ZHX2: variants seen among roughly 807,000 people sequenced by gnomAD.
ZHX2 encodes zinc fingers and homeoboxes 2, also known as zinc fingers and homeoboxes protein 2.
Under a neutral mutation model 21.9 loss-of-function variants are expected in ZHX2, and 6 were observed. The observed-to-expected ratio is 0.27, with a 90% CI of 0.15 to 0.54. ZHX2 has a LOEUF of 0.54. Ranked by LOEUF, ZHX2 falls within the 20% of genes least tolerant of loss-of-function variation. The probability of loss-of-function intolerance (pLI) is 0.95; values close to 1 mark genes in which losing one functional copy is unlikely to be tolerated. For synonymous variants in ZHX2, 434 were observed against 437.1 expected, an observed-to-expected ratio of 0.99 and a Z score of 0.09; for missense variants, 908 against 1,090.7, an observed-to-expected ratio of 0.83 and a Z score of 2.36.
Position 122,782,860 on chromosome 8 carries a change from G to A in ZHX2, c.-283+914G>A, listed in dbSNP as rs1817320309. On this transcript the variant is annotated intron_variant, in intron 1 of 3. Coordinates refer to ENST00000314393, the MANE Select transcript of ZHX2 (RefSeq NM_014943.5). The surrounding 1 kb of genome is among the most constrained non-coding windows in gnomAD (Gnocchi z 5.3). ...CTGGCGCTTTTCGTCTGCCCCACAA[G>A]AGGTTAATCTTTGTTGGTGTTGCAG... 6.6e-6 allele frequency among the ~76,000 whole-genome samples: 1 copy of A among 152,252 alleles called. No individual in the cohort carries two copies. The highest frequency in any genetic ancestry group is 2.4e-5 in the African/African-American group (1 of 41,472).
intron 3 of ZHX2, among the ~76,000 whole-genome samples, chr8:122,955,691 G>A (rs16897803): frequency 0.15 from 23,020 of 151,974 alleles, 4,503 homozygotes; most frequent in African/African-American, 0.46. Flanking sequence ...CCAAAGGGGA[G>A]GGCGTGAGTG....
chr8:122,952,579 G>C lies in ZHX2; in HGVS notation c.1069G>C (p.Val357Leu). The C allele has an allele frequency of 1.2e-6, 2 of 1,614,132 alleles. No homozygotes were observed. The highest frequency in any genetic ancestry group is 1.7e-6 in the Non-Finnish European group (2 of 1,180,032). ...GCCCGCCCAGTTGGCCCCCACAAAGGTGACGCAGCCCATCCTCCAGACGGC... is the reference window on the plus strand; with the variant it reads ...GCCCGCCCAGTTGGCCCCCACAAAGCTGACGCAGCCCATCCTCCAGACGGC... ...VLPAQLAPTK[V>L]TQPILQTALP... is the part of the protein sequence containing the mutation. The change falls in exon 3 of 4, where the codon GTG (valine) becomes CTG (leucine). Residue 357 changes from valine (V) to leucine (L), a missense_variant. Around this residue, in one of 4 missense-constraint regions of ZHX2, gnomAD observed 232 missense variants for 361.8 expected, o/e 0.64. Coordinates refer to ENST00000314393, the MANE Select transcript of ZHX2 (RefSeq NM_014943.5). The surrounding 1 kb of genome is among the most constrained non-coding windows in gnomAD (Gnocchi z 6.9).
intron 2 of ZHX2, among the ~76,000 whole-genome samples, chr8:122,926,519 A>T (rs1820858213): frequency 6.6e-6 from 1 of 152,198 alleles, no homozygotes; most frequent in Admixed American, 6.5e-5. Flanking sequence ...ACGTGGGAAG[A>T]CCAGATAGTT....
At chr8:122,940,590 T>C (rs996229508) in intron 2 of ZHX2, among the ~76,000 whole-genome samples, 7 of 152,204 alleles carry the variant, frequency 4.6e-5, no homozygotes, top group Admixed American at 4.6e-4. Flanking sequence ...CATGAAGCTT[T>C]TTTGGTTAGA....
At chr8:122,938,731 G>A (rs1334002443) in intron 2 of ZHX2, among the ~76,000 whole-genome samples, 1 of 152,002 alleles carries the variant, frequency 6.6e-6, no homozygotes, top group Non-Finnish European at 1.5e-5. Context: ...CAAGCTACTC[G>A]GGAGGCTGAG....
chr8:122,812,797 C>T (rs1233246653), intron 1 of ZHX2, among the ~76,000 whole-genome samples: 1 of 152,190 alleles, frequency 6.6e-6, no homozygotes, highest in Non-Finnish European at 1.5e-5. Context: ...GCGGTGGCAT[C>T]AGTCATAGTA....
At chr8:122,780,431 C>G (rs1049306210), upstream of ZHX2, 3 of 152,376 alleles carry the variant, frequency 2.0e-5, no homozygotes, top group Admixed American at 6.5e-5. Context: ...CGCATCCCCT[C>G]GTCCCCGCCC....
chr8:122,935,558 C>T (rs1340603518), intron 2 of ZHX2, among the ~76,000 whole-genome samples: 29 of 132,000 alleles, frequency 2.2e-4, no homozygotes, highest in East Asian at 2.0e-3. Context: ...TTTTTTGAGA[C>T]GGAGTCTCAC....
At chr8:122,885,802 A>G (rs1405839762) in intron 2 of ZHX2, among the ~76,000 whole-genome samples, 1 of 152,186 alleles carries the variant, frequency 6.6e-6, no homozygotes, top group Non-Finnish European at 1.5e-5. Flanking sequence ...TATCATAAAC[A>G]TTCAACATTG....
Position 122,836,783 on chromosome 8 carries a change from G to T in ZHX2, c.-282-26694G>T, listed in dbSNP as rs187019792. Among the ~76,000 whole-genome samples, 16 of 152,314 alleles carry T rather than the reference G, an allele frequency of 1.1e-4. No individual in the cohort carries two copies. In the East Asian group the frequency reaches 2.7e-3, roughly 26 times the overall value. ...TATTTTGCTGGCCCACACTGCTGGCGCAAGGCTTGCGCCTTGGTACTGGGC... is the reference window on the plus strand; with the variant it reads ...TATTTTGCTGGCCCACACTGCTGGCTCAAGGCTTGCGCCTTGGTACTGGGC... On this transcript the variant is annotated intron_variant, in intron 1 of 3. Transcript: ENST00000314393.
intron 1 of ZHX2, among the ~76,000 whole-genome samples, chr8:122,811,305 C>T (rs553824197): frequency 6.6e-6 from 1 of 152,242 alleles, no homozygotes; most frequent in Admixed American, 6.5e-5. Flanking sequence ...TGCGTGAGCC[C>T]AGGAGGTCGA....
At chr8:122,806,914 G>A (rs184369623) in intron 1 of ZHX2, among the ~76,000 whole-genome samples, 6 of 152,312 alleles carry the variant, frequency 3.9e-5, no homozygotes. Context: ...TGATGATAGG[G>A]GAAGGGGAGT....
chr8:122,884,742 A>T (rs1819800082), intron 2 of ZHX2, among the ~76,000 whole-genome samples: 1 of 152,212 alleles, frequency 6.6e-6, no homozygotes, highest in Non-Finnish European at 1.5e-5. Flanking sequence ...TGGGCCAAGC[A>T]GACCTGTGGG....
chr8:122,871,027 G>A (rs1477609325), intron 2 of ZHX2, among the ~76,000 whole-genome samples: 1 of 152,148 alleles, frequency 6.6e-6, no homozygotes, highest in Admixed American at 6.5e-5. Flanking sequence ...AACCGGTGGA[G>A]CGGGCAGGAC....
intron 2 of ZHX2, among the ~76,000 whole-genome samples, chr8:122,876,358 C>G (rs891929614): frequency 6.6e-6 from 1 of 152,154 alleles, no homozygotes; most frequent in Non-Finnish European, 1.5e-5. Flanking sequence ...CACCCCCTCC[C>G]CTTACCCCGT....
intron 1 of ZHX2, among the ~76,000 whole-genome samples, chr8:122,804,962 C>G (rs1817794799): frequency 6.6e-6 from 1 of 152,206 alleles, no homozygotes; most frequent in Admixed American, 6.5e-5. Flanking sequence ...AAAACCAGCC[C>G]CAGCCATCCC....
chr8:122,847,301 G>A (rs890134441), intron 1 of ZHX2, among the ~76,000 whole-genome samples: 4 of 152,158 alleles, frequency 2.6e-5, no homozygotes, highest in Non-Finnish European at 5.9e-5. Flanking sequence ...CCACTGAGGG[G>A]GGTTGAGCCC....
intron 3 of ZHX2, among the ~76,000 whole-genome samples, chr8:122,959,954 A>C (rs1813403797): frequency 6.6e-6 from 1 of 152,158 alleles, no homozygotes; most frequent in African/African-American, 2.4e-5. Context: ...TGTAGGTCCC[A>C]GGGAGATGAA....
In ZHX2 at chr8:122,952,294, C is replaced by G. The variant is rs1255039963; in HGVS notation, c.784C>G (p.Leu262Val). 6.2e-7 allele frequency: 1 copy of G among 1,614,044 alleles called. No individual in the cohort carries two copies. Among genetic ancestry groups the G allele is most frequent in the Non-Finnish European group, 8.5e-7 (1 of 1,180,046 alleles). Reference sequence around the variant, plus strand: ...CCTTGTGCCCAAGGTCCCTGTCCCACTAAATACTACCAAATACAACTCTGC... The same window carrying G: ...CCTTGTGCCCAAGGTCCCTGTCCCAGTAAATACTACCAAATACAACTCTGC... ...INLVPKVPVP[L>V]NTTKYNSALD... Residue 262 changes from leucine (L) to valine (V), a missense_variant, in exon 3 of 4, where the codon CTA becomes GTA. Around this residue, in one of 4 missense-constraint regions of ZHX2, gnomAD observed 232 missense variants for 361.8 expected, o/e 0.64. Coordinates refer to ENST00000314393, the MANE Select transcript of ZHX2 (RefSeq NM_014943.5). This position sits in a 1 kb window ranked among gnomAD's most constrained non-coding sequence, Gnocchi z 6.9.
Sources: gnomAD v4.1 joint callset for allele counts (sites outside exome capture counted in the v4.1 genomes callset) on GRCh38, gnomAD v4.1.1 for gene constraint, gnomAD v4.1.1 regional missense constraint, Gnocchi (gnomAD v3.1) non-coding constraint, MANE v1.5 for transcripts, NCBI Gene and HGNC (gene_info 2026-07-23, HGNC 2026-07-21) for gene names.